ARID5B: variants seen among roughly 807,000 people sequenced by gnomAD.
The protein encoded by ARID5B is AT-rich interaction domain 5B.
Under a neutral mutation model 97.2 loss-of-function variants are expected in ARID5B, and 13 were observed. The ratio of observed to expected loss-of-function variants is 0.13; its 90% confidence interval spans 0.09 to 0.21. The LOEUF (loss-of-function observed/expected upper bound fraction) is 0.21, where lower values mean the gene tolerates loss of function less well. Among genes scored for constraint, ARID5B ranks in the 10% least tolerant of loss-of-function variants. The pLI, the probability that ARID5B is intolerant of heterozygous loss-of-function variation, is 1.00. For synonymous variants in ARID5B, 556 were observed against 570.3 expected (o/e 0.97, Z 0.36); for missense variants, 1,210 against 1,465.3 (o/e 0.83, Z 2.84).
At chr10:61,915,915 C>G (rs1329337504) in intron 2 of ARID5B, among the ~76,000 whole-genome samples, 1 of 152,174 alleles carries the variant, frequency 6.6e-6, no homozygotes, top group Non-Finnish European at 1.5e-5. Flanking sequence ...ACCACCATGC[C>G]TGGCTAATTT....
At chr10:62,044,847 T>C (rs1839686143) in intron 4 of ARID5B, among the ~76,000 whole-genome samples, 2 of 152,250 alleles carry the variant, frequency 1.3e-5, no homozygotes, top group South Asian at 4.1e-4. Flanking sequence ...AGTGTGTTTA[T>C]ATCTCATACA....
At chr10:61,930,760 G>T (rs543961509) in intron 2 of ARID5B, among the ~76,000 whole-genome samples, 10 of 58,532 alleles carry the variant, frequency 1.7e-4, no homozygotes, top group Non-Finnish European at 2.6e-4. Flanking sequence ...TAAGATACAG[G>T]TTCTCTATGC....
At chr10:61,905,508 G>A (rs1338861161) in intron 2 of ARID5B, among the ~76,000 whole-genome samples, 1 of 151,898 alleles carries the variant, frequency 6.6e-6, no homozygotes, top group Non-Finnish European at 1.5e-5. Flanking sequence ...GCTGGATAAG[G>A]CAGGACTTTG....
chr10:62,074,456 G>C (rs943349649), intron 8 of ARID5B, among the ~76,000 whole-genome samples: 27 of 152,204 alleles, frequency 1.8e-4, no homozygotes, highest in African/African-American at 6.5e-4. Context: ...GGCAGATACT[G>C]GGTGATAGCT....
At chr10:62,065,091 AC>A (rs1564641205) in intron 7 of ARID5B, among the ~76,000 whole-genome samples, 2 of 152,122 alleles carry the variant, frequency 1.3e-5, no homozygotes, top group African/African-American at 4.8e-5. Context: ...ACGGTTTGAA[AC>A]CCACTATATT....
At chr10:62,063,484 A>G (rs1045926040) in intron 7 of ARID5B, among the ~76,000 whole-genome samples, 1 of 151,854 alleles carries the variant, frequency 6.6e-6, no homozygotes, top group Non-Finnish European at 1.5e-5. Context: ...ATTTCATTTC[A>G]GTCCTCTACA....
At chr10:61,926,437 C>A (rs974249665) in intron 2 of ARID5B, among the ~76,000 whole-genome samples, 2 of 152,118 alleles carry the variant, frequency 1.3e-5, no homozygotes, top group Non-Finnish European at 2.9e-5. Flanking sequence ...GTTAAGACCA[C>A]CTATCTCAGA....
At position 62,092,178 on chromosome 10, in the gene ARID5B, T is replaced by C. The variant is rs1840388655; in HGVS notation, c.2715T>C (p.Pro905=). Reference sequence around the variant, plus strand: ...CAGAAGCCCCTACGGATGATCAGCCTACAGATCTGAGCCTTCCCAAGAACC... The same window carrying C: ...CAGAAGCCCCTACGGATGATCAGCCCACAGATCTGAGCCTTCCCAAGAACC... ...AAAEAPTDDQ[P]TDLSLPKNPH... is the part of the protein sequence containing the mutation. Residue 905 remains proline, a synonymous_variant, in exon 10 of 10, where the codon CCT becomes CCC. Coordinates refer to ENST00000279873, the MANE Select transcript of ARID5B (RefSeq NM_032199.3). 1 of 1,609,702 alleles carries C rather than the reference T, an allele frequency of 6.2e-7. No homozygotes were observed. Among genetic ancestry groups the C allele is most frequent in the Non-Finnish European group, 8.5e-7 (1 of 1,178,274 alleles).
chr10:62,059,939 T>G (rs1839901492), intron 7 of ARID5B, among the ~76,000 whole-genome samples: 1 of 152,148 alleles, frequency 6.6e-6, no homozygotes, highest in African/African-American at 2.4e-5. Flanking sequence ...AGCAACAAAC[T>G]GAGATTAAAA....
At chr10:61,943,476 C>CA (rs537863218) in intron 3 of ARID5B, among the ~76,000 whole-genome samples, 3 of 149,540 alleles carry the variant, frequency 2.0e-5, no homozygotes, top group Admixed American at 6.6e-5. Flanking sequence ...TGAGGCCCCC[C>CA]CCCTTTTTTT....
intron 4 of ARID5B, among the ~76,000 whole-genome samples, chr10:62,042,815 C>T (rs10821946): frequency 0.39 from 58,080 of 150,588 alleles, 12,194 homozygotes; most frequent in Non-Finnish European, 0.49. Context: ...CTCGGGAGGC[C>T]GAGGCAGGAG....
At chr10:61,964,360 G>C (rs1838515329) in intron 3 of ARID5B, among the ~76,000 whole-genome samples, 1 of 152,178 alleles carries the variant, frequency 6.6e-6, no homozygotes. Flanking sequence ...GGCCATTCTA[G>C]TGCGTTCTAG....
intron 9 of ARID5B, among the ~76,000 whole-genome samples, chr10:62,087,651 AC>A (rs1415455825): frequency 6.6e-6 from 1 of 152,156 alleles, no homozygotes; most frequent in Non-Finnish European, 1.5e-5. Flanking sequence ...TATAATGAAC[AC>A]ATAAGAGGCT....
chr10:61,978,002 G>T (rs10994991), intron 3 of ARID5B, among the ~76,000 whole-genome samples: 7,349 of 152,234 alleles, frequency 0.048, 268 homozygotes, highest in Non-Finnish European at 0.078. Flanking sequence ...GGTCTAACAT[G>T]TAAGTCTTTA....
intron 2 of ARID5B, among the ~76,000 whole-genome samples, chr10:61,926,413 C>T (rs1430117629): frequency 6.6e-6 from 1 of 151,932 alleles, no homozygotes; most frequent in Non-Finnish European, 1.5e-5. Flanking sequence ...TCAGTTTTTT[C>T]ATCTCTAAAA....
At chr10:61,959,314 G>A (rs1261043614) in intron 3 of ARID5B, among the ~76,000 whole-genome samples, 1 of 152,168 alleles carries the variant, frequency 6.6e-6, no homozygotes, top group Non-Finnish European at 1.5e-5. Flanking sequence ...GGAGAACTTT[G>A]TGGCTGAATA....
intron 3 of ARID5B, among the ~76,000 whole-genome samples, chr10:61,953,256 A>G (rs1275100320): frequency 6.6e-6 from 1 of 152,192 alleles, no homozygotes; most frequent in African/African-American, 2.4e-5. Flanking sequence ...TGCCTGGCCT[A>G]TTCTCTCAAT....
rs146309746 is a variant in ARID5B, at chr10:62,095,102, AAT to A, written c.*2087_*2088del. 0.031 allele frequency: 6,206 copies of A among 201,108 alleles called. No homozygotes were observed. The highest frequency in any genetic ancestry group is 0.085 in the Middle Eastern group (51 of 598). 12.5% of individuals were successfully genotyped at this position (201,108 alleles called of 1,614,324 possible). Reference sequence around the variant, plus strand: ...TTAATTATTTACCTTCCTGTGGAATAATATATATATATATATTTAATAGAACC... The same window carrying A: ...TTAATTATTTACCTTCCTGTGGAATAATATATATATATATTTAATAGAACC... On this transcript the variant is annotated 3_prime_UTR_variant, in exon 10 of 10. Transcript: ENST00000279873.
At chr10:61,955,270 C>T (rs1838376529) in intron 3 of ARID5B, among the ~76,000 whole-genome samples, 1 of 152,164 alleles carries the variant, frequency 6.6e-6, no homozygotes, top group African/African-American at 2.4e-5. Context: ...TGCTTCTATG[C>T]TCACGCAGAA....
Sources: gnomAD v4.1 joint callset for allele counts (sites outside exome capture counted in the v4.1 genomes callset) on GRCh38, gnomAD v4.1.1 for gene constraint, MANE v1.5 for transcripts, NCBI Gene and HGNC (gene_info 2026-07-23, HGNC 2026-07-21) for gene names.